JARID2: variants seen among roughly 807,000 people sequenced by gnomAD.
The protein encoded by JARID2 is jumonji and AT-rich interaction domain containing 2, also known as protein Jumonji.
In JARID2, 21 loss-of-function variants were observed where a neutral mutation model predicts 125.6. The observed-to-expected ratio is 0.17, with a 90% CI of 0.12 to 0.24. JARID2 has a LOEUF of 0.24. Ranked by LOEUF, JARID2 falls within the 10% of genes least tolerant of loss-of-function variation. The probability of loss-of-function intolerance (pLI) is 1.00; values close to 1 mark genes in which losing one functional copy is unlikely to be tolerated. For missense variants in JARID2, 1,303 were observed against 1,639.6 expected, an observed-to-expected ratio of 0.79 and a Z score of 3.55; for synonymous variants, 736 against 661.6, an observed-to-expected ratio of 1.11 and a Z score of -1.73.
chr6:15,307,157 G>T (rs55772344), intron 1 of JARID2, among the ~76,000 whole-genome samples: 1 of 151,862 alleles, frequency 6.6e-6, no homozygotes, highest in Admixed American at 6.6e-5. Context: ...CGGGAGAATC[G>T]CCTGAACCCC....
At chr6:15,366,671 C>T (rs181742179) in intron 1 of JARID2, among the ~76,000 whole-genome samples, 32 of 152,190 alleles carry the variant, frequency 2.1e-4, no homozygotes, top group South Asian at 1.7e-3. Flanking sequence ...AATTCGAAGG[C>T]GATTTCTGCA....
chr6:15,491,974 A>C (rs558674038), intron 6 of JARID2, among the ~76,000 whole-genome samples: 25 of 152,364 alleles, frequency 1.6e-4, no homozygotes, highest in Admixed American at 1.5e-3. Flanking sequence ...TATTGTTGCC[A>C]GTACTCATCT....
In JARID2 at chr6:15,413,002, G is replaced by GTTTTTTTTTTTTTTTTTTTT. The variant is rs745910520; in HGVS notation, c.323+2642_323+2643insTTTTTTTTTTTTTTTTTTTT. Among the ~76,000 whole-genome samples the GTTTTTTTTTTTTTTTTTTTT allele has an allele frequency of 3.9e-4, 18 of 46,558 alleles. 3 individuals are homozygous for GTTTTTTTTTTTTTTTTTTTT. Among genetic ancestry groups the GTTTTTTTTTTTTTTTTTTTT allele is most frequent in the Admixed American group, 1.1e-3 (4 of 3,628 alleles). 30.5% of individuals were successfully genotyped at this position (46,558 alleles called of 152,430 possible). On this transcript the variant is annotated intron_variant, in intron 3 of 17. Transcript: ENST00000341776. ...AACATTATACATGGGAAGAGCTTGTGTTTTTGTTTTTTTTTTTTTTGTTTT... is the reference window on the plus strand; with the variant it reads ...AACATTATACATGGGAAGAGCTTGTGTTTTTTTTTTTTTTTTTTTTTTTTTGTTTTTTTTTTTTTTGTTTT...
chr6:15,477,235 C>A (rs1293584206), intron 5 of JARID2, among the ~76,000 whole-genome samples: 1 of 151,988 alleles, frequency 6.6e-6, no homozygotes, highest in Non-Finnish European at 1.5e-5. Context: ...CACATTTCTG[C>A]TCTGTGGTTG....
chr6:15,429,982 A>G (rs1766901952), intron 3 of JARID2, among the ~76,000 whole-genome samples: 1 of 152,142 alleles, frequency 6.6e-6, no homozygotes, highest in African/African-American at 2.4e-5. Context: ...ATATTGCTGA[A>G]TTGCTAGCAG....
intron 2 of JARID2, among the ~76,000 whole-genome samples, chr6:15,408,265 A>G (rs1328276840): frequency 1.3e-5 from 2 of 152,180 alleles, no homozygotes; most frequent in African/African-American, 4.8e-5. Flanking sequence ...AGCAAAAAGA[A>G]AAATTTGAAC....
At chr6:15,418,590 A>G (rs777960124) in intron 3 of JARID2, among the ~76,000 whole-genome samples, 47 of 152,344 alleles carry the variant, frequency 3.1e-4, no homozygotes, top group Admixed American at 1.1e-3. Flanking sequence ...AAGAGTTTCT[A>G]TTTAACTAGT....
At chr6:15,497,984 G>C (rs1770547762) in intron 7 of JARID2, among the ~76,000 whole-genome samples, 1 of 152,170 alleles carries the variant, frequency 6.6e-6, no homozygotes, top group African/African-American at 2.4e-5. Context: ...AAGGACATTG[G>C]ATTAGGGCCC....
chr6:15,460,057 G>A (rs1209896808), intron 4 of JARID2, among the ~76,000 whole-genome samples: 3 of 152,094 alleles, frequency 2.0e-5, no homozygotes, highest in Non-Finnish European at 4.4e-5. Flanking sequence ...GTTTGAGAAC[G>A]GTGTCATCAC....
Position 15,489,101 on chromosome 6 carries a change from G to A in JARID2, c.906+1559G>A, listed in dbSNP as rs575153132. Among the ~76,000 whole-genome samples the A allele has an allele frequency of 3.9e-5, 6 of 152,334 alleles. No individual in the cohort carries two copies. The East Asian group carries it at 9.6e-4, about 24-fold the overall frequency. ...CTCATGAAAGAGAACAGAATTAGAAGCAACCCAGGGAGAAAGACAGAAAGA... is the reference window on the plus strand; with the variant it reads ...CTCATGAAAGAGAACAGAATTAGAAACAACCCAGGGAGAAAGACAGAAAGA... On this transcript the variant is annotated intron_variant, in intron 6 of 17. Coordinates refer to ENST00000341776, the MANE Select transcript of JARID2 (RefSeq NM_004973.4).
At chr6:15,345,498 G>C (rs1763215434) in intron 1 of JARID2, among the ~76,000 whole-genome samples, 1 of 152,126 alleles carries the variant, frequency 6.6e-6, no homozygotes, top group Non-Finnish European at 1.5e-5. Context: ...CTGTGTAATT[G>C]AGAAAGAGCT....
At chr6:15,258,558 C>A (rs1443146303) in intron 1 of JARID2, among the ~76,000 whole-genome samples, 1 of 152,078 alleles carries the variant, frequency 6.6e-6, no homozygotes, top group East Asian at 1.9e-4. Context: ...CCAAGGCGGG[C>A]GGATCACAAG....
At chr6:15,370,352 T>A (rs1328178861) in intron 1 of JARID2, among the ~76,000 whole-genome samples, 19 of 86,280 alleles carry the variant, frequency 2.2e-4, no homozygotes, top group South Asian at 4.0e-4. Flanking sequence ...TTTTTTTTTT[T>A]AAAGACTTGC....
At chr6:15,273,777 T>A (rs1176998454) in intron 1 of JARID2, among the ~76,000 whole-genome samples, 1 of 152,124 alleles carries the variant, frequency 6.6e-6, no homozygotes, top group Non-Finnish European at 1.5e-5. Flanking sequence ...TTCGAAATGT[T>A]GTAAATTAGT....
chr6:15,273,355 A>G (rs528686022), intron 1 of JARID2, among the ~76,000 whole-genome samples: 1 of 152,322 alleles, frequency 6.6e-6, no homozygotes, highest in African/African-American at 2.4e-5. Flanking sequence ...TTCTTCCTTG[A>G]CAAACTATAA....
intron 1 of JARID2, among the ~76,000 whole-genome samples, chr6:15,332,935 CTT>C (rs33921682): frequency 2.4e-4 from 10 of 42,168 alleles, no homozygotes; most frequent in African/African-American, 7.8e-4. Context: ...CTTTTCTTTT[CTT>C]TTTTTTTTTT....
chr6:15,394,877 C>T (rs1416766734), intron 2 of JARID2, among the ~76,000 whole-genome samples: 1 of 151,776 alleles, frequency 6.6e-6, no homozygotes, highest in Non-Finnish European at 1.5e-5. Flanking sequence ...TGCAGTAATT[C>T]AGAACCAAAG....
At position 15,517,154 on chromosome 6, in the gene JARID2, C is replaced by G. The variant is rs758910421; in HGVS notation, c.3451-7C>G. On this transcript the variant is annotated splice_region_variant and splice_polypyrimidine_tract_variant and intron_variant, in intron 16 of 17. Transcript: ENST00000341776. ...CTGACCTTCGGGTGTCCTGCTCTTG[C>G]TTGCAGGTGGTACAAGAGAACGAAA... 5 of 1,605,276 alleles carry G rather than the reference C, an allele frequency of 3.1e-6. No homozygotes were observed. In the South Asian group the frequency reaches 5.5e-5, roughly 18 times the overall value.
intron 2 of JARID2, among the ~76,000 whole-genome samples, chr6:15,392,074 GTGTGCGTGTC>G (rs1765037384): frequency 2.2e-5 from 1 of 45,344 alleles, no homozygotes; most frequent in South Asian, 9.5e-4. Context: ...GTGTGTGTGT[GTGTGCGTGTC>G]TGGAGGTGGC....
Sources: allele counts gnomAD v4.1 joint callset (sites outside exome capture counted in the v4.1 genomes callset), GRCh38; gene constraint gnomAD v4.1.1; transcripts MANE v1.5; gene names NCBI Gene and HGNC (gene_info 2026-07-23, HGNC 2026-07-21).